SLC16A7: variants seen among roughly 807,000 people sequenced by gnomAD.
SLC16A7 encodes solute carrier family 16 member 7.
A neutral mutation model predicts 34.9 loss-of-function variants in SLC16A7; 33 were observed. The observed-to-expected ratio is 0.94, with a 90% CI of 0.72 to 1.26. SLC16A7 has a LOEUF of 1.26. SLC16A7 is among the 50% of genes most tolerant of loss of function. The probability of loss-of-function intolerance (pLI) is 0.00; values close to 1 mark genes in which losing one functional copy is unlikely to be tolerated. For synonymous variants in SLC16A7, 201 were observed against 206.6 expected (o/e 0.97, Z 0.23); for missense variants, 573 against 578.1 (o/e 0.99, Z 0.09).
At chr12:59,651,628 T>C (rs1171273973) in intron 1 of SLC16A7, among the ~76,000 whole-genome samples, 3 of 152,170 alleles carry the variant, frequency 2.0e-5, no homozygotes, top group Non-Finnish European at 4.4e-5. Context: ...TCTAAGAGTA[T>C]GATGTGGTGT....
chr12:59,684,718 A>C (rs904390680), intron 2 of SLC16A7, among the ~76,000 whole-genome samples: 2 of 152,178 alleles, frequency 1.3e-5, no homozygotes, highest in African/African-American at 4.8e-5. Flanking sequence ...GCAGATACCC[A>C]GATATAGGAG....
chr12:59,646,237 A>G (rs1026743666), intron 1 of SLC16A7, among the ~76,000 whole-genome samples: 1 of 152,172 alleles, frequency 6.6e-6, no homozygotes, highest in Non-Finnish European at 1.5e-5. Flanking sequence ...CTTCCGTCAC[A>G]GGCTTGGAGG....
chr12:59,606,548 T>G (rs1386143594), intron 1 of SLC16A7, among the ~76,000 whole-genome samples: 1 of 152,154 alleles, frequency 6.6e-6, no homozygotes, highest in Admixed American at 6.5e-5. Flanking sequence ...GTAAGATAGA[T>G]TATATTCATT....
intron 3 of SLC16A7, among the ~76,000 whole-genome samples, chr12:59,716,345 C>T (rs1465815318): frequency 1.3e-5 from 2 of 152,078 alleles, no homozygotes; most frequent in East Asian, 1.9e-4. Context: ...TTAAATAGAA[C>T]TCCGATCTAC....
intron 3 of SLC16A7, among the ~76,000 whole-genome samples, chr12:59,752,131 A>G (rs1185625813): frequency 6.6e-6 from 1 of 151,432 alleles, no homozygotes; most frequent in Non-Finnish European, 1.5e-5. Context: ...AAAGACCAAA[A>G]GTAGATAAAA....
chr12:59,669,139 G>A (rs1869458430), intron 2 of SLC16A7, among the ~76,000 whole-genome samples: 1 of 152,146 alleles, frequency 6.6e-6, no homozygotes, highest in African/African-American at 2.4e-5. Flanking sequence ...CCAAAGCCAT[G>A]CTGACAGGTT....
chr12:59,764,638 C>G (rs777850524), intron 3 of SLC16A7, among the ~76,000 whole-genome samples: 3 of 152,032 alleles, frequency 2.0e-5, no homozygotes, highest in Admixed American at 6.6e-5. Flanking sequence ...CAGCTTCATC[C>G]ATGTCCCTAC....
At chr12:59,690,568 A>T (rs943970002) in intron 2 of SLC16A7, among the ~76,000 whole-genome samples, 1 of 151,992 alleles carries the variant, frequency 6.6e-6, no homozygotes, top group Non-Finnish European at 1.5e-5. Context: ...GATGCCTAGA[A>T]AAAGCATATA....
At chr12:59,765,730 C>A (rs1881541343) in intron 3 of SLC16A7, among the ~76,000 whole-genome samples, 1 of 152,166 alleles carries the variant, frequency 6.6e-6, no homozygotes, top group Non-Finnish European at 1.5e-5. Flanking sequence ...GTTTTGGTGA[C>A]TGTAGCCTTG....
chr12:59,740,649 A>C (rs1162322381), intron 3 of SLC16A7, among the ~76,000 whole-genome samples: 1 of 152,172 alleles, frequency 6.6e-6, no homozygotes, highest in Non-Finnish European at 1.5e-5. Context: ...GAAAACTGGC[A>C]CAAGACAGGG....
At chr12:59,727,170 A>AAT (rs1555174539) in intron 3 of SLC16A7, among the ~76,000 whole-genome samples, 18 of 144,380 alleles carry the variant, frequency 1.2e-4, no homozygotes, top group African/African-American at 2.9e-4. Context: ...ATATATATAT[A>AAT]ATATATATAT....
chr12:59,688,203 T>C (rs767638945), intron 2 of SLC16A7, among the ~76,000 whole-genome samples: 6 of 151,984 alleles, frequency 3.9e-5, no homozygotes, highest in Non-Finnish European at 5.9e-5. Context: ...CCTGAAGTCA[T>C]TGGGGAAGCA....
At chr12:59,708,726 T>A (rs1172563373) in intron 3 of SLC16A7, among the ~76,000 whole-genome samples, 2 of 150,544 alleles carry the variant, frequency 1.3e-5, no homozygotes, top group Non-Finnish European at 2.9e-5. Flanking sequence ...TGGCCTGTGA[T>A]GTCAGGACTG....
Position 59,765,545 on chromosome 12 carries a change from A to G in SLC16A7, c.218-5674A>G, listed in dbSNP as rs535480592. Among the ~76,000 whole-genome samples the G allele has an allele frequency of 8.5e-5, 13 of 152,286 alleles. 1 individual carries two copies. The highest frequency in any genetic ancestry group is 2.6e-4 in the African/African-American group (11 of 41,572). Reference sequence around the variant, plus strand: ...GGAAGGGATCCAGTTTCAGCTTTCTACATATGGCTAGCCAGTTTTCCCAGC... The same window carrying G: ...GGAAGGGATCCAGTTTCAGCTTTCTGCATATGGCTAGCCAGTTTTCCCAGC... On this transcript the variant is annotated intron_variant, in intron 3 of 5. Coordinates refer to ENST00000547379, the MANE Select transcript of SLC16A7 (RefSeq NM_001270623.2).
chr12:59,630,781 T>A (rs1880147569), intron 1 of SLC16A7, among the ~76,000 whole-genome samples: 2 of 151,966 alleles, frequency 1.3e-5, no homozygotes, highest in South Asian at 4.1e-4. Context: ...TTCCAGGTGC[T>A]AAGGTGTAAG....
chr12:59,763,012 CACAT>C (rs1881179867), intron 3 of SLC16A7, among the ~76,000 whole-genome samples: 2 of 151,962 alleles, frequency 1.3e-5, no homozygotes, highest in East Asian at 1.9e-4. Flanking sequence ...AAAAACATTG[CACAT>C]ACATCTAATT....
chr12:59,685,715 C>A (rs1871100826), intron 2 of SLC16A7, among the ~76,000 whole-genome samples: 1 of 151,826 alleles, frequency 6.6e-6, no homozygotes, highest in Non-Finnish European at 1.5e-5. Flanking sequence ...AATATTAGTT[C>A]TTTTATATTT....
At chr12:59,599,097 TA>T (rs57893010) in intron 1 of SLC16A7, among the ~76,000 whole-genome samples, 99,248 of 152,044 alleles carry the variant, frequency 0.65, 32,840 homozygotes, top group South Asian at 0.78. Flanking sequence ...TGCATGAAGC[TA>T]AATAAGAGCA....
intron 3 of SLC16A7, chr12:59,734,090 G>C: frequency 4.2e-6 from 1 of 240,704 alleles, no homozygotes; most frequent in Non-Finnish European, 8.5e-6. Context: ...GCCTCAGGCT[G>C]TCTCTGGATT....
Sources: allele counts gnomAD v4.1 joint callset (sites outside exome capture counted in the v4.1 genomes callset), GRCh38; gene constraint gnomAD v4.1.1; transcripts MANE v1.5; gene names NCBI Gene and HGNC (gene_info 2026-07-23, HGNC 2026-07-21).